Variants in RAD9B observed in about 807,000 individuals in gnomAD.
RAD9B encodes RAD9 checkpoint clamp component B.
Under a neutral mutation model 48.3 loss-of-function variants are expected in RAD9B, and 41 were observed. That is an observed-to-expected ratio of 0.85 (90% CI 0.66 to 1.10). RAD9B has a LOEUF of 1.10. RAD9B is among the 50% of genes least tolerant of loss of function. The pLI is 0.00. For missense variants in RAD9B, 444 were observed against 485.1 expected, an observed-to-expected ratio of 0.92 and a Z score of 0.80; for synonymous variants, 160 against 157.9, an observed-to-expected ratio of 1.01 and a Z score of -0.10.
chr12:110,520,871 G>A (rs913023262), intron 9 of RAD9B, among the ~76,000 whole-genome samples: 7 of 149,982 alleles, frequency 4.7e-5, no homozygotes, highest in African/African-American at 1.5e-4. Context: ...GGCTGGTCTC[G>A]AACTCCTGAC....
At chr12:110,528,062 G>A (rs959880866) in intron 10 of RAD9B, among the ~76,000 whole-genome samples, 1 of 152,200 alleles carries the variant, frequency 6.6e-6, no homozygotes, top group African/African-American at 2.4e-5. Context: ...AGTCCTGGAA[G>A]CTGTGCAAGC....
Position 110,531,584 on chromosome 12 carries a change from GA to G in RAD9B, c.*934del. On this transcript the variant is annotated 3_prime_UTR_variant, in exon 11 of 11. Coordinates refer to ENST00000409300, the MANE Select transcript of RAD9B (RefSeq NM_001286535.2). ...TTTTTTATTTTGCAGTGTGCTGCAG[GA>G]AAGAATTTAATGGAAGTGATGCCAA... The G allele has an allele frequency of 6.3e-7, 1 of 1,597,848 alleles. No individual in the cohort carries two copies. The highest frequency in any genetic ancestry group is 8.5e-7 in the Non-Finnish European group (1 of 1,170,964).
intron 8 of RAD9B, among the ~76,000 whole-genome samples, chr12:110,519,142 C>T (rs2063696782): frequency 6.6e-6 from 1 of 152,094 alleles, no homozygotes; most frequent in African/African-American, 2.4e-5. Flanking sequence ...CTCACTCTGT[C>T]GCCCAGGCTG....
At chr12:110,527,088 G>C (rs1240931931) in intron 10 of RAD9B, among the ~76,000 whole-genome samples, 1 of 152,074 alleles carries the variant, frequency 6.6e-6, no homozygotes, top group African/African-American at 2.4e-5. Flanking sequence ...CTAAAATCAA[G>C]GTGTCATCAG....
intron 5 of RAD9B, among the ~76,000 whole-genome samples, chr12:110,513,730 ATTATTATTT>A (rs1304682887): frequency 1.1e-5 from 1 of 91,906 alleles, no homozygotes; most frequent in Non-Finnish European, 2.2e-5. Flanking sequence ...TATTATTATT[ATTATTATTT>A]TTGAGACAGA....
At chr12:110,503,914 G>A in intron 2 of RAD9B, 38 bp downstream of exon 2, 1 of 1,299,308 alleles carries the variant, frequency 7.7e-7, no homozygotes, top group Non-Finnish European at 1.1e-6. Flanking sequence ...ATCAAGGCAA[G>A]AGGAGATGTT....
intron 10 of RAD9B, among the ~76,000 whole-genome samples, chr12:110,525,582 T>G (rs552002279): frequency 6.6e-6 from 1 of 152,296 alleles, no homozygotes; most frequent in East Asian, 1.9e-4. Context: ...GAGGCACAGG[T>G]TGGTTTTTCT....
At chr12:110,505,013 AAAAG>A (rs1366022831) in intron 2 of RAD9B, among the ~76,000 whole-genome samples, 2 of 152,146 alleles carry the variant, frequency 1.3e-5, no homozygotes, top group African/African-American at 2.4e-5. Flanking sequence ...AAAAAAGTAA[AAAAG>A]AAATTAAAAG....
At chr12:110,522,486 TC>T in intron 10 of RAD9B, 75 bp downstream of exon 10, 1 of 997,996 alleles carries the variant, frequency 1.0e-6, no homozygotes, top group Non-Finnish European at 1.5e-6. Flanking sequence ...TCCTCCCCAA[TC>T]CCCACCCAGC....
At chr12:110,525,683 G>A (rs549294212) in intron 10 of RAD9B, among the ~76,000 whole-genome samples, 1 of 152,048 alleles carries the variant, frequency 6.6e-6, no homozygotes, top group Non-Finnish European at 1.5e-5. Context: ...TTAGCAACTG[G>A]TAAGTATTTT....
intron 2 of RAD9B, 26 bp downstream of exon 2, chr12:110,503,902 G>A (rs1349872703): frequency 1.3e-5 from 19 of 1,416,634 alleles, no homozygotes; most frequent in South Asian, 4.1e-5. Flanking sequence ...AACAGATCAC[G>A]TATCAAGGCA....
At chr12:110,507,536 AATACATAATATATGTATTAAATATATATG>A (rs2135663156) in intron 4 of RAD9B, among the ~76,000 whole-genome samples, 1 of 49,944 alleles carries the variant, frequency 2.0e-5, no homozygotes, top group Non-Finnish European at 4.7e-5. Context: ...TATTAAATAT[AATACATAATATATGTATTAAATATATATG>A]TATTATATAT....
Position 110,531,705 on chromosome 12 carries a change from C to A in RAD9B, c.*1052C>A. The A allele has an allele frequency of 7.0e-7, 1 of 1,430,528 alleles. No homozygotes were observed. The highest frequency in any genetic ancestry group is 9.6e-7 in the Non-Finnish European group (1 of 1,041,782). 88.6% of individuals were successfully genotyped at this position (1,430,528 alleles called of 1,614,324 possible). On this transcript the variant is annotated 3_prime_UTR_variant, in exon 11 of 11. Transcript: ENST00000409300. ...AAGGTGGAAGACAAATGTCTCTGTTCTTTGGCCCTTTAAGAGTTAGCTTTT... is the reference window on the plus strand; with the variant it reads ...AAGGTGGAAGACAAATGTCTCTGTTATTTGGCCCTTTAAGAGTTAGCTTTT...
At chr12:110,506,267 C>T (rs888172979) in intron 3 of RAD9B, among the ~76,000 whole-genome samples, 1 of 151,260 alleles carries the variant, frequency 6.6e-6, no homozygotes, top group Non-Finnish European at 1.5e-5. Flanking sequence ...CGGCTCACTG[C>T]AAGCTCTGCC....
intron 4 of RAD9B, among the ~76,000 whole-genome samples, chr12:110,507,808 G>A (rs2063343541): frequency 6.6e-6 from 1 of 151,050 alleles, no homozygotes; most frequent in African/African-American, 2.4e-5. Context: ...GCTTCACCAT[G>A]CCCGGCTAAT....
rs528503110 is a variant in RAD9B at position 110,504,366 on chromosome 12, G to A, written c.117+490G>A. 5.3e-5 allele frequency among the ~76,000 whole-genome samples: 8 copies of A among 151,852 alleles called. No homozygotes were observed. In the South Asian group the frequency reaches 1.7e-3, roughly 32 times the overall value. On this transcript the variant is annotated intron_variant, in intron 2 of 10. Transcript: ENST00000409300. ...CACCTGTAATCCCAGCTACTCGGGA[G>A]GCTGAGGTGGGAGAATTGCTTGAAT...
At chr12:110,519,060 A>G in intron 8 of RAD9B, 122 bp downstream of exon 8, 6 of 652,214 alleles carry the variant, frequency 9.2e-6, no homozygotes, top group Non-Finnish European at 1.5e-5. Context: ...ATTAATACTT[A>G]TCAAACTAAA....
chr12:110,531,558 A>G lies in RAD9B; in HGVS notation c.*905A>G. 6.6e-7 allele frequency: 1 copy of G among 1,522,796 alleles called. No individual in the cohort carries two copies. Among genetic ancestry groups the G allele is most frequent in the Non-Finnish European group, 9.1e-7 (1 of 1,102,096 alleles). 94.3% of individuals were successfully genotyped at this position (1,522,796 alleles called of 1,614,324 possible). On this transcript the variant is annotated 3_prime_UTR_variant, in exon 11 of 11. Coordinates refer to ENST00000409300, the MANE Select transcript of RAD9B (RefSeq NM_001286535.2). ...CAAATTGTTCTGATTTTCAGATGTG[A>G]TTTTTTATTTTGCAGTGTGCTGCAG...
At chr12:110,518,442 G>T (rs935536001) in intron 6 of RAD9B, among the ~76,000 whole-genome samples, 1 of 152,164 alleles carries the variant, frequency 6.6e-6, no homozygotes, top group Non-Finnish European at 1.5e-5. Context: ...TAATTTATGT[G>T]AAATGGACTT....
Sources: allele counts gnomAD v4.1 joint callset (sites outside exome capture counted in the v4.1 genomes callset), GRCh38; gene constraint gnomAD v4.1.1; transcripts MANE v1.5; gene names NCBI Gene and HGNC (gene_info 2026-07-23, HGNC 2026-07-21).